CLDN16: variants seen among roughly 807,000 people sequenced by gnomAD.
The protein encoded by CLDN16 is claudin-16.
CLDN16 carries 13 observed loss-of-function variants against 24.6 expected under a neutral mutation model. The observed-to-expected ratio is 0.53, with a 90% CI of 0.34 to 0.84. The LOEUF is 0.84. CLDN16 is among the 40% of genes least tolerant of loss of function. The probability of loss-of-function intolerance (pLI) is 0.01; values close to 1 mark genes in which losing one functional copy is unlikely to be tolerated. For missense variants in CLDN16, 298 were observed against 292.7 expected, an observed-to-expected ratio of 1.02 and a Z score of -0.13; for synonymous variants, 116 against 106.7, an observed-to-expected ratio of 1.09 and a Z score of -0.54.
intron 1 of CLDN16, among the ~76,000 whole-genome samples, chr3:190,362,403 C>G (rs1157894504): frequency 6.6e-6 from 1 of 151,932 alleles, no homozygotes; most frequent in East Asian, 1.9e-4. Flanking sequence ...ACTTCGACCC[C>G]CTCTGTGATT....
chr3:190,386,468 T>A (rs1718500261), upstream of CLDN16, among the ~76,000 whole-genome samples: 1 of 152,026 alleles, frequency 6.6e-6, no homozygotes, highest in Non-Finnish European at 1.5e-5. Flanking sequence ...CAACAGTAGG[T>A]CAGATCACCG....
At chr3:190,364,445 C>T (rs1717975154) in intron 1 of CLDN16, among the ~76,000 whole-genome samples, 1 of 151,900 alleles carries the variant, frequency 6.6e-6, no homozygotes, top group Non-Finnish European at 1.5e-5. Context: ...TCATGATGAG[C>T]TGCTGATGGG....
chr3:190,394,357 C>A (rs1274293836), intron 1 of CLDN16, among the ~76,000 whole-genome samples: 3 of 152,112 alleles, frequency 2.0e-5, no homozygotes, highest in Non-Finnish European at 4.4e-5. Flanking sequence ...ATGTACTGAG[C>A]ACTAGTATGA....
intron 1 of CLDN16, among the ~76,000 whole-genome samples, chr3:190,347,883 A>G (rs12696601): frequency 0.3 from 45,981 of 151,720 alleles, 7,475 homozygotes; most frequent in East Asian, 0.6. Flanking sequence ...TGTAAGGAAC[A>G]GAAAAAAAGG....
At chr3:190,400,380 G>A (rs1021189720) in intron 1 of CLDN16, among the ~76,000 whole-genome samples, 1 of 151,942 alleles carries the variant, frequency 6.6e-6, no homozygotes, top group Middle Eastern at 3.4e-3. Flanking sequence ...TTACAGGCAC[G>A]CACCACCACG....
chr3:190,350,942 G>A (rs1717659831), intron 1 of CLDN16, among the ~76,000 whole-genome samples: 1 of 152,106 alleles, frequency 6.6e-6, no homozygotes, highest in African/African-American at 2.4e-5. Flanking sequence ...TTGGAGGTGT[G>A]TCTCCGCCAA....
At chr3:190,292,709 C>T in the CLDN16 span, among the ~76,000 whole-genome samples, 1 of 152,132 alleles carries the variant, frequency 6.6e-6, no homozygotes, top group Admixed American at 6.5e-5. Flanking sequence ...TTTAAAGTTC[C>T]ACATATCTCT....
At chr3:190,361,025 G>C (rs1369734861) in intron 1 of CLDN16, among the ~76,000 whole-genome samples, 2 of 152,066 alleles carry the variant, frequency 1.3e-5, no homozygotes, top group Non-Finnish European at 1.5e-5. Flanking sequence ...ATTATGTTTA[G>C]TGTAGGTTTA....
At chr3:190,349,774 T>C (rs1207120283) in intron 1 of CLDN16, among the ~76,000 whole-genome samples, 3 of 152,168 alleles carry the variant, frequency 2.0e-5, no homozygotes, top group Non-Finnish European at 4.4e-5. Context: ...GAGAAGAACA[T>C]GCCTGAGCTA....
chr3:190,352,107 A>T (rs1332353451), intron 1 of CLDN16, among the ~76,000 whole-genome samples: 2 of 151,856 alleles, frequency 1.3e-5, no homozygotes, highest in Admixed American at 6.6e-5. Context: ...TTTTCTAAAT[A>T]TTATTTGTCT....
At chr3:190,365,087 C>T (rs942873322) in intron 1 of CLDN16, among the ~76,000 whole-genome samples, 1 of 151,862 alleles carries the variant, frequency 6.6e-6, no homozygotes, top group African/African-American at 2.4e-5. Flanking sequence ...AAGTAACACT[C>T]TTTTTGGCTG....
rs1270006685 is a variant in CLDN16, at chr3:190,333,563, TATCTATCTATCTATCTATCA to T, written n.121+10906_121+10925del. On this transcript the variant is annotated intron_variant and non_coding_transcript_variant, in intron 1 of 4. Transcript: ENST00000468220. ...CTATCTATCTATCTATCTATCTATC[TATCTATCTATCTATCTATCA>T]ATCATCTTTCTATAAATCTACTGAT... Among the ~76,000 whole-genome samples the T allele has an allele frequency of 3.1e-3, 411 of 133,622 alleles. 2 individuals carry two copies. Among genetic ancestry groups the T allele is most frequent in the African/African-American group, 7.8e-3 (279 of 35,682 alleles). The allele number at this position is 133,622 out of a possible 152,430, so 87.7% of individuals were successfully genotyped here.
At chr3:190,358,830 G>A (rs942931039) in intron 1 of CLDN16, among the ~76,000 whole-genome samples, 3 of 151,898 alleles carry the variant, frequency 2.0e-5, no homozygotes, top group African/African-American at 7.2e-5. Context: ...TCTTCCCATT[G>A]TTACCCTTGG....
intron 1 of CLDN16, among the ~76,000 whole-genome samples, chr3:190,399,466 C>A (rs576983021): frequency 2.6e-5 from 4 of 152,212 alleles, no homozygotes; most frequent in African/African-American, 9.6e-5. Context: ...GAGCCGATCG[C>A]GCCATTGCAC....
chr3:190,385,436 A>C (rs1200425610), upstream of CLDN16, among the ~76,000 whole-genome samples: 2 of 152,166 alleles, frequency 1.3e-5, no homozygotes, highest in African/African-American at 2.4e-5. Flanking sequence ...TGCAAGCCTG[A>C]ATGTTTTATG....
At chr3:190,358,026 T>C (rs1717813291) in intron 1 of CLDN16, among the ~76,000 whole-genome samples, 2 of 151,916 alleles carry the variant, frequency 1.3e-5, no homozygotes, top group South Asian at 4.1e-4. Flanking sequence ...GACTTCAGTA[T>C]GTATATATAG....
rs144146644 is a variant in CLDN16 at position 190,366,711 on chromosome 3, C to G, written n.122-4182C>G. 1.3e-3 allele frequency among the ~76,000 whole-genome samples: 196 copies of G among 152,080 alleles called. 2 individuals are homozygous for G. The highest frequency in any genetic ancestry group is 3.7e-3 in the African/African-American group (152 of 41,534). ...CAAACTGGGGGAAAGGACCGTGACT[C>G]TCTTTTCTACGTCCTGAGATGTGGG... On this transcript the variant is annotated intron_variant and non_coding_transcript_variant, in intron 1 of 4. Transcript: ENST00000468220.
the CLDN16 span, among the ~76,000 whole-genome samples, chr3:190,310,586 T>C: frequency 6.6e-6 from 1 of 152,190 alleles, no homozygotes; most frequent in Non-Finnish European, 1.5e-5. Flanking sequence ...CTAAACTACA[T>C]TTGATAAAAC....
At chr3:190,364,635 C>T (rs11707333) in intron 1 of CLDN16, among the ~76,000 whole-genome samples, 53,889 of 151,736 alleles carry the variant, frequency 0.36, 9,749 homozygotes, top group African/African-American at 0.4. Flanking sequence ...GCAACTTACA[C>T]TTCTAGTAGC....
Sources: allele counts gnomAD v4.1 joint callset (sites outside exome capture counted in the v4.1 genomes callset), GRCh38; gene constraint gnomAD v4.1.1; transcripts MANE v1.5; gene names NCBI Gene and HGNC (gene_info 2026-07-23, HGNC 2026-07-21).